Variants in VPS53 observed in about 807,000 individuals in gnomAD.
VPS53 encodes the protein vacuolar protein sorting-associated protein 53 homolog.
Under a neutral mutation model 107.0 loss-of-function variants are expected in VPS53, and 70 were observed. That is an observed-to-expected ratio of 0.65 (90% CI 0.54 to 0.80). The LOEUF is 0.80. Among genes scored for constraint, VPS53 ranks in the 30% least tolerant of loss-of-function variants. The probability of loss-of-function intolerance (pLI) is 0.00; values close to 1 mark genes in which losing one functional copy is unlikely to be tolerated. For synonymous variants in VPS53, 409 were observed against 393.3 expected (o/e 1.04, Z -0.47); for missense variants, 917 against 1,049.4 (o/e 0.87, Z 1.74).
At chr17:677,459 C>T (rs1007199867) in intron 4 of VPS53, among the ~76,000 whole-genome samples, 23 of 152,004 alleles carry the variant, frequency 1.5e-4, no homozygotes, top group African/African-American at 5.6e-4. Flanking sequence ...GGAAAGTGGG[C>T]AGGGGAAGGA....
chr17:710,579 T>C lies in VPS53; in HGVS notation c.122A>G (p.Asp41Gly). 2 of 1,614,058 alleles carry C rather than the reference T, an allele frequency of 1.2e-6. No homozygotes were observed. Among genetic ancestry groups the C allele is most frequent in the Non-Finnish European group, 1.7e-6 (2 of 1,179,960 alleles). Residue 41 changes from aspartate to glycine, a missense_variant, in exon 2 of 22, where the codon GAT (aspartate) becomes GGT (glycine). Physicochemically the swap from Asp to Gly is moderately conservative, Grantham distance 94 (BLOSUM62 -1). Transcript: ENST00000437048. ...FPSQDPLDRADFNAVEYINTL... is the reference protein window; with the variant it reads ...FPSQDPLDRAGFNAVEYINTL... ...ATTGATATACTCAACAGCATTGAAATCTGCTCGATCTAGAGGGTCCTGGCT... is the reference window on the plus strand; with the variant it reads ...ATTGATATACTCAACAGCATTGAAACCTGCTCGATCTAGAGGGTCCTGGCT...
At chr17:527,458 T>A (rs1909210280) in intron 19 of VPS53, among the ~76,000 whole-genome samples, 1 of 152,208 alleles carries the variant, frequency 6.6e-6, no homozygotes, top group Non-Finnish European at 1.5e-5. Flanking sequence ...TGGAAGCTAC[T>A]CAAGAGTAGA....
At chr17:667,240 T>C (rs1971728188) in intron 4 of VPS53, among the ~76,000 whole-genome samples, 2 of 152,136 alleles carry the variant, frequency 1.3e-5, no homozygotes, top group South Asian at 4.1e-4. Flanking sequence ...GACCATATGG[T>C]CAGTAAAGGC....
intron 4 of VPS53, among the ~76,000 whole-genome samples, chr17:696,515 G>A (rs916681193): frequency 1.3e-5 from 2 of 152,176 alleles, no homozygotes; most frequent in Admixed American, 6.5e-5. Flanking sequence ...TGATAAGGGA[G>A]GACAGGACAT....
At chr17:698,130 G>A (rs1482821909) in intron 3 of VPS53, among the ~76,000 whole-genome samples, 1 of 152,108 alleles carries the variant, frequency 6.6e-6, no homozygotes, top group African/African-American at 2.4e-5. Flanking sequence ...GGGAAATAAA[G>A]CCATTAAAAA....
intron 7 of VPS53, among the ~76,000 whole-genome samples, chr17:640,238 G>C (rs1032561747): frequency 1.3e-5 from 2 of 152,308 alleles, no homozygotes; most frequent in African/African-American, 2.4e-5. Context: ...CATTTGCTAA[G>C]ACTGTTGGAA....
intron 12 of VPS53, among the ~76,000 whole-genome samples, chr17:594,869 G>C (rs1212636938): frequency 6.9e-4 from 53 of 77,244 alleles, no homozygotes; most frequent in Middle Eastern, 9.4e-3. Context: ...TCAATTTCCT[G>C]ATTTGATGAT....
intron 12 of VPS53, among the ~76,000 whole-genome samples, chr17:601,404 C>G (rs915686967): frequency 2.0e-5 from 3 of 152,208 alleles, no homozygotes; most frequent in Non-Finnish European, 4.4e-5. Flanking sequence ...GAGGCCTCTC[C>G]TAGCCGAGGG....
At chr17:636,496 G>C (rs1311503583) in intron 7 of VPS53, among the ~76,000 whole-genome samples, 1 of 152,188 alleles carries the variant, frequency 6.6e-6, no homozygotes, top group East Asian at 1.9e-4. Flanking sequence ...TCTTGTGCCA[G>C]TTTTCAAAGG....
chr17:700,699 C>A (rs1284404240), intron 2 of VPS53, among the ~76,000 whole-genome samples: 1 of 152,050 alleles, frequency 6.6e-6, no homozygotes, highest in Admixed American at 6.6e-5. Flanking sequence ...GGAAATGGTG[C>A]CCCCTAATGG....
chr17:553,574 CTT>C (rs35437010), intron 15 of VPS53, 112 bp from the exon 16 acceptor site: 35,515 of 536,632 alleles, frequency 0.066, no homozygotes, highest in Middle Eastern at 0.093. Context: ...ATTCCATACA[CTT>C]TTTTTTTTTT....
At chr17:612,738 C>T (rs1435669788) in intron 11 of VPS53, among the ~76,000 whole-genome samples, 1 of 132,530 alleles carries the variant, frequency 7.5e-6, no homozygotes, top group African/African-American at 2.9e-5. Flanking sequence ...CAGCGAAAAC[C>T]TGTACAGATA....
intron 4 of VPS53, among the ~76,000 whole-genome samples, chr17:667,418 G>A (rs973049423): frequency 2.0e-5 from 3 of 150,536 alleles, no homozygotes; most frequent in Non-Finnish European, 4.4e-5. Flanking sequence ...GCTTGGGAGT[G>A]ATTTAGCAGG....
At position 521,699 on chromosome 17, in the gene VPS53, C is replaced by T. The variant is rs1374632833; in HGVS notation, c.2125G>A (p.Asp709Asn). 2.1e-5 allele frequency: 32 copies of T among 1,549,968 alleles called. No individual in the cohort carries two copies. The highest frequency in any genetic ancestry group is 4.9e-5 in the East Asian group (2 of 40,866). ...ACCTGCGAGCTGATGGAGGGGAGAT[C>T]GAGCAGGACCATCTTCAGCGAGTGG... ...DTHSLKMVLL[D>N]LPSISSQVVR... The change falls in exon 20 of 22, where the codon GAT becomes AAT. Residue 709 changes from aspartate (D) to asparagine (N), a missense_variant. By Grantham distance (23) the Asp-to-Asn change is conservative (BLOSUM62 1). Coordinates refer to ENST00000437048, the MANE Select transcript of VPS53 (RefSeq NM_001128159.3).
intron 18 of VPS53, among the ~76,000 whole-genome samples, chr17:535,020 G>C (rs548738980): frequency 2.6e-5 from 4 of 152,206 alleles, no homozygotes; most frequent in Non-Finnish European, 5.9e-5. Flanking sequence ...CACGTCCTGT[G>C]GGGAAAAAAC....
intron 14 of VPS53, 141 bp downstream of exon 14, chr17:562,362 C>T: frequency 8.6e-7 from 1 of 1,167,074 alleles, no homozygotes; most frequent in Non-Finnish European, 1.2e-6. Context: ...GAAATAGCTT[C>T]AGGCCCTCGG....
intron 8 of VPS53, 80 bp from the exon 9 acceptor site, chr17:628,311 A>G (rs2143102020): frequency 6.6e-7 from 1 of 1,526,196 alleles, no homozygotes; most frequent in Non-Finnish European, 8.9e-7. Flanking sequence ...ACTACTTGTT[A>G]TCTCTACGCA....
chr17:711,817 AT>A (rs11375713), intron 1 of VPS53, among the ~76,000 whole-genome samples: 14,471 of 142,368 alleles, frequency 0.1, 730 homozygotes, highest in East Asian at 0.25. Flanking sequence ...TTCATGGGCA[AT>A]TTTTTTTTTT....
At chr17:533,027 G>A (rs1297853787) in intron 18 of VPS53, 116 bp from the exon 19 acceptor site, 6 of 1,472,236 alleles carry the variant, frequency 4.1e-6, no homozygotes, top group Non-Finnish European at 4.6e-6. Flanking sequence ...AAGAATCGAA[G>A]TGGACTCCAC....
Sources: gnomAD v4.1 joint callset for allele counts (sites outside exome capture counted in the v4.1 genomes callset) on GRCh38, gnomAD v4.1.1 for gene constraint, MANE v1.5 for transcripts, NCBI Gene and HGNC (gene_info 2026-07-23, HGNC 2026-07-21) for gene names.